The following TACC2 variants were observed in gnomAD, a reference collection of about 807,000 sequenced individuals.
TACC2 encodes transforming acidic coiled-coil-containing protein 2.
Under a neutral mutation model 227.3 loss-of-function variants are expected in TACC2, and 137 were observed. The ratio of observed to expected loss-of-function variants is 0.60; its 90% confidence interval spans 0.52 to 0.69. The LOEUF (loss-of-function observed/expected upper bound fraction) is 0.69, where lower values mean the gene tolerates loss of function less well. TACC2 is among the 30% of genes least tolerant of loss of function. The probability of loss-of-function intolerance (pLI) is 0.00; values close to 1 mark genes in which losing one functional copy is unlikely to be tolerated. For synonymous variants in TACC2, 1,523 were observed against 1,487.5 expected (o/e 1.02, Z -0.55); for missense variants, 3,470 against 3,694.4 (o/e 0.94, Z 1.57).
At chr10:122,198,439 A>C (rs2094653091) in intron 8 of TACC2, among the ~76,000 whole-genome samples, 1 of 152,068 alleles carries the variant, frequency 6.6e-6, no homozygotes. Context: ...TGTTATTAGA[A>C]CTCAAAACCG....
Position 122,194,526 on chromosome 10 carries a change from A to G in TACC2, c.5835-514A>G, listed in dbSNP as rs1173815979. ...ACTGTAGGCTTGGAGATACTGTGAT[A>G]AACAAGGCCGGCTGCCCTCCTGTGT... On this transcript the variant is annotated intron_variant, in intron 7 of 22. Coordinates refer to ENST00000369005, the MANE Select transcript of TACC2 (RefSeq NM_206862.4). The surrounding 1 kb of genome is among the most constrained non-coding windows in gnomAD (Gnocchi z 4.4). Among the ~76,000 whole-genome samples the G allele has an allele frequency of 6.6e-6, 1 of 152,240 alleles. No individual in the cohort carries two copies. Among genetic ancestry groups the G allele is most frequent in the African/African-American group, 2.4e-5 (1 of 41,466 alleles).
chr10:122,080,984 T>TA (rs1275126895), intron 3 of TACC2, among the ~76,000 whole-genome samples: 1 of 152,198 alleles, frequency 6.6e-6, no homozygotes, highest in Non-Finnish European at 1.5e-5. Flanking sequence ...AAACCATACT[T>TA]ATGTTAACTT....
chr10:122,152,456 A>G (rs2092136014), intron 7 of TACC2, among the ~76,000 whole-genome samples: 1 of 152,232 alleles, frequency 6.6e-6, no homozygotes, highest in African/African-American at 2.4e-5. Context: ...GAAGCTTAAC[A>G]TTGTGGCCAG....
At chr10:122,096,422 C>T (rs992801589) in intron 5 of TACC2, among the ~76,000 whole-genome samples, 5 of 152,200 alleles carry the variant, frequency 3.3e-5, no homozygotes, top group Admixed American at 6.5e-5. Context: ...ACCGGCCAGG[C>T]GCGGTGGCTC....
chr10:122,156,572 T>TTCATCTTCACGTTCTC (rs2092494841), intron 7 of TACC2, among the ~76,000 whole-genome samples: 1 of 152,208 alleles, frequency 6.6e-6, no homozygotes. Context: ...TCTCAGTTCT[T>TTCATCTTCACGTTCTC]TCATCTTCAC....
chr10:122,038,861 A>T (rs562829206), intron 2 of TACC2, among the ~76,000 whole-genome samples: 1 of 152,352 alleles, frequency 6.6e-6, no homozygotes, highest in African/African-American at 2.4e-5. Context: ...TGGGATACTC[A>T]GTTACAGCAT....
Position 122,086,659 on chromosome 10 carries a change from G to A in TACC2, c.4159G>A (p.Gly1387Ser). Residue 1387 changes from glycine (G) to serine (S), a missense_variant, in exon 4 of 23, where the codon GGC becomes AGC. Transcript: ENST00000369005. ...MGEPSQDPKQGTSGGVDTSSE... is the reference protein window; with the variant it reads ...MGEPSQDPKQSTSGGVDTSSE... ...AGAGCCTTCCCAGGACCCAAAGCAG[G>A]GCACATCAGGTGGTGTGGACACAAG... 1.2e-6 allele frequency: 2 copies of A among 1,610,686 alleles called. No homozygotes were observed. The highest frequency in any genetic ancestry group is 1.7e-6 in the Non-Finnish European group (2 of 1,178,310).
intron 3 of TACC2, among the ~76,000 whole-genome samples, chr10:122,060,156 T>C (rs778134929): frequency 8.5e-5 from 13 of 152,176 alleles, no homozygotes; most frequent in Non-Finnish European, 1.8e-4. Context: ...TGGGTGACCA[T>C]TGAGGCAGTG....
chr10:122,249,609 G>T lies in TACC2; in HGVS notation c.8726G>T (p.Ser2909Ile). 6.2e-7 allele frequency: 1 copy of T among 1,613,806 alleles called. No individual in the cohort carries two copies. Among genetic ancestry groups the T allele is most frequent in the Non-Finnish European group, 8.5e-7 (1 of 1,179,894 alleles). The change falls in exon 22 of 23, where the codon AGC (serine) becomes ATC (isoleucine). Residue 2909 changes from serine to isoleucine, a missense_variant. Physicochemically the swap from Ser to Ile is moderately radical, Grantham distance 142. This residue lies in a region of TACC2 where 89 missense variants were observed against 91.4 expected (regional missense o/e 0.97). Coordinates refer to ENST00000369005, the MANE Select transcript of TACC2 (RefSeq NM_206862.4). ...AQQEQAAHQA[S>I]LRKEQLRVDA... ...CAGGAGCAAGCCGCCCACCAGGCCA[G>T]CCTGCGGAAGGAGCAGCTGCGAGTG...
intron 5 of TACC2, among the ~76,000 whole-genome samples, chr10:122,128,504 T>C (rs2087317017): frequency 6.6e-6 from 1 of 152,178 alleles, no homozygotes. Context: ...CATTTTCCAG[T>C]GGTGCCTAAT....
chr10:122,107,898 CT>C (rs143830637), intron 5 of TACC2, among the ~76,000 whole-genome samples: 20 of 108,446 alleles, frequency 1.8e-4, no homozygotes, highest in African/African-American at 2.9e-4. Context: ...TTTCTTTTTT[CT>C]TTTTTTTTTT....
chr10:122,082,001 G>A (rs914413967), intron 3 of TACC2, among the ~76,000 whole-genome samples: 1 of 152,154 alleles, frequency 6.6e-6, no homozygotes, highest in East Asian at 1.9e-4. Flanking sequence ...CAAATCCCCT[G>A]TTATGATTTA....
At chr10:122,006,962 A>G (rs34928670) in intron 1 of TACC2, among the ~76,000 whole-genome samples, 2,293 of 148,344 alleles carry the variant, frequency 0.015, 29 homozygotes, top group Middle Eastern at 0.043. Flanking sequence ...CCCGGGTTCC[A>G]GTGATTCTCC....
intron 5 of TACC2, chr10:122,126,721 C>G (rs2086946270): frequency 6.6e-6 from 1 of 151,948 alleles, no homozygotes; most frequent in Non-Finnish European, 1.5e-5. Context: ...TCTGGAAAGC[C>G]CTTTGCACAC....
At chr10:122,009,595 A>C (rs1433221790) in intron 1 of TACC2, among the ~76,000 whole-genome samples, 1 of 152,194 alleles carries the variant, frequency 6.6e-6, no homozygotes. Flanking sequence ...ATGGTACTTA[A>C]CAAAGTCTTA....
At chr10:122,102,856 C>G (rs893336899) in intron 5 of TACC2, among the ~76,000 whole-genome samples, 1 of 152,224 alleles carries the variant, frequency 6.6e-6, no homozygotes, top group Non-Finnish European at 1.5e-5. Context: ...GAGCTGCCCC[C>G]ACACATTTCC....
In TACC2 at chr10:122,085,860, TG is replaced by T. The variant is rs2137139894; in HGVS notation, c.3364del (p.Glu1122SerfsTer34). 1.2e-6 allele frequency: 2 copies of T among 1,613,128 alleles called. No homozygotes were observed. On this transcript the variant is annotated frameshift_variant, in exon 4 of 23. Transcript: ENST00000369005. LOFTEE classifies it high-confidence loss of function. ...PKLLASFPSAGEQGGEAGAAE... is the reference protein window; with the variant it reads ...PKLLASFPSAXEQGGEAGAAE... Reference sequence around the variant, plus strand: ...AGCTTCTTGCAAGTTTCCCATCAGCTGGGGAGCAAGGTGGTGAAGCCGGGGC... The same window carrying T: ...AGCTTCTTGCAAGTTTCCCATCAGCTGGGAGCAAGGTGGTGAAGCCGGGGC...
intron 5 of TACC2, among the ~76,000 whole-genome samples, chr10:122,098,866 C>T (rs2081798372): frequency 6.6e-6 from 1 of 152,180 alleles, no homozygotes; most frequent in Non-Finnish European, 1.5e-5. Context: ...CCTCAGCCTC[C>T]CAATGGGGGT....
intron 7 of TACC2, among the ~76,000 whole-genome samples, chr10:122,149,689 G>A: frequency 6.6e-6 from 1 of 152,200 alleles, no homozygotes; most frequent in East Asian, 1.9e-4. Context: ...TCGCCAGTCC[G>A]CTCCCCAGCG....
Sources: gnomAD v4.1 joint callset for allele counts (sites outside exome capture counted in the v4.1 genomes callset) on GRCh38, gnomAD v4.1.1 for gene constraint, gnomAD v4.1.1 regional missense constraint, Gnocchi (gnomAD v3.1) non-coding constraint, MANE v1.5 for transcripts, NCBI Gene and HGNC (gene_info 2026-07-23, HGNC 2026-07-21) for gene names.